The following UGT1A7 variants were observed in gnomAD, a reference collection of about 807,000 sequenced individuals.
UGT1A7 encodes the protein UDP-glucuronosyltransferase 1A7.
UGT1A7 carries 33 observed loss-of-function variants against 45.6 expected under a neutral mutation model. That is an observed-to-expected ratio of 0.72 (90% CI 0.55 to 0.97). The LOEUF (loss-of-function observed/expected upper bound fraction) is 0.97. Ranked by LOEUF, UGT1A7 falls within the 50% of genes least tolerant of loss-of-function variation. The pLI is 0.00. For missense variants in UGT1A7, 684 were observed against 666.2 expected (o/e 1.03, Z -0.29); for synonymous variants, 274 against 250.6 (o/e 1.09, Z -0.88).
chr2:233,724,456 G>C (rs1266099425), intron 1 of UGT1A7, among the ~76,000 whole-genome samples: 1 of 126,638 alleles, frequency 7.9e-6, no homozygotes, highest in African/African-American at 3.1e-5. Flanking sequence ...GGCAGCTGCC[G>C]GGCGGAGGGG....
intron 1 of UGT1A7, chr2:233,718,915 T>C (rs979373640): frequency 6.2e-7 from 1 of 1,613,984 alleles, no homozygotes; most frequent in African/African-American, 1.3e-5. Context: ...GGAAAGGTGT[T>C]GGTGGTGCCC....
intron 1 of UGT1A7, chr2:233,729,480 C>T (rs2077866631): frequency 1.9e-6 from 3 of 1,614,046 alleles, no homozygotes; most frequent in South Asian, 1.1e-5. Context: ...CAATGTTGAA[C>T]AATATGTCTT....
intron 1 of UGT1A7, among the ~76,000 whole-genome samples, chr2:233,737,934 C>T (rs1461776263): frequency 1.3e-5 from 2 of 152,038 alleles, no homozygotes; most frequent in East Asian, 3.9e-4. Flanking sequence ...AGTAGTGAGT[C>T]CATTGACTGT....
chr2:233,729,448 A>G (rs1363906847), intron 1 of UGT1A7: 1 of 1,614,064 alleles, frequency 6.2e-7, no homozygotes, highest in South Asian at 1.1e-5. Flanking sequence ...ACATTTTCTG[A>G]AGAAATTTTT....
chr2:233,767,305 G>GT (rs1444114295), intron 2 of UGT1A7, 140 bp downstream of exon 2: 37 of 1,518,952 alleles, frequency 2.4e-5, no homozygotes, highest in Admixed American at 1.8e-4. Flanking sequence ...TAATCCAAAG[G>GT]TTTTTTTTGT....
chr2:233,700,898 G>C (rs534436227), intron 1 of UGT1A7, among the ~76,000 whole-genome samples: 31 of 151,956 alleles, frequency 2.0e-4, no homozygotes, highest in Middle Eastern at 3.4e-3. Context: ...ACAGTCCCCG[G>C]TGTGTGACGT....
chr2:233,692,889 G>C (rs539010798), intron 1 of UGT1A7: 13 of 1,521,482 alleles, frequency 8.5e-6, no homozygotes, highest in African/African-American at 8.3e-5. Flanking sequence ...CAGAGCAAGG[G>C]AGAGGTAGAC....
intron 1 of UGT1A7, among the ~76,000 whole-genome samples, chr2:233,701,487 A>G (rs1350791546): frequency 2.0e-5 from 3 of 152,174 alleles, no homozygotes; most frequent in African/African-American, 7.2e-5. Context: ...CTCTGCACCA[A>G]GCGGACCTAA....
chr2:233,743,979 A>T (rs1692622611), intron 1 of UGT1A7: 1 of 1,306,002 alleles, frequency 7.7e-7, no homozygotes, highest in Non-Finnish European at 1.0e-6. Flanking sequence ...GCCAGCACCC[A>T]GGCGCAGGCC....
intron 1 of UGT1A7, among the ~76,000 whole-genome samples, chr2:233,731,827 A>G (rs1471240623): frequency 6.6e-6 from 1 of 152,154 alleles, no homozygotes; most frequent in Admixed American, 6.5e-5. Flanking sequence ...GTCAAATGGT[A>G]TTTCTAGTTC....
Position 233,693,665 on chromosome 2 carries a change from C to A in UGT1A7, c.855+10873C>A, listed in dbSNP as rs199739194. The A allele has an allele frequency of 2.7e-5, 44 of 1,614,120 alleles. No individual in the cohort carries two copies. The highest frequency in any genetic ancestry group is 3.4e-5 in the Non-Finnish European group (40 of 1,180,056). On this transcript the variant is annotated intron_variant, in intron 1 of 4. Transcript: ENST00000373426. ...CCTTGTTAATTTGTTGGAGCCCTAT[C>A]TATTTTATTGTCTGTTTTCAAAGTA...
chr2:233,693,232 AATCT>A, intron 1 of UGT1A7: 1 of 1,614,188 alleles, frequency 6.2e-7, no homozygotes, highest in Non-Finnish European at 8.5e-7. Flanking sequence ...ACACAAGAAA[AATCT>A]ATCCAGTGCC....
intron 1 of UGT1A7, among the ~76,000 whole-genome samples, chr2:233,727,747 T>C (rs1157113585): frequency 2.0e-5 from 3 of 152,214 alleles, no homozygotes; most frequent in African/African-American, 7.2e-5. Flanking sequence ...ATCCTGCGTG[T>C]GCTGCCCTTG....
At chr2:233,718,068 T>A in intron 1 of UGT1A7, 1 of 348,348 alleles carries the variant, frequency 2.9e-6, no homozygotes, top group Admixed American at 3.7e-5. Flanking sequence ...CGTGGGTCCT[T>A]GCTAGGGTTG....
rs527779009 is a variant in UGT1A7 at position 233,754,984 on chromosome 2, G to T, written c.856-12050G>T. The T allele has an allele frequency of 3.9e-6, 5 of 1,295,396 alleles. No individual in the cohort carries two copies. In the African/African-American group the frequency reaches 6.0e-5, roughly 16 times the overall value. 80.2% of individuals were successfully genotyped at this position (1,295,396 alleles called of 1,614,324 possible). A position where few individuals can be genotyped will look rare whatever the true frequency, so the allele number is the denominator to read the frequency against. The stretch of plus-strand genomic sequence containing the variant: ...AAGAACTCCCTGAAGACCTCGGCGG[G>T]GTCACGGAAGCTGAAGACCTACTCG... On this transcript the variant is annotated intron_variant, in intron 1 of 4. Transcript: ENST00000373426.
At chr2:233,764,847 C>G (rs1361860386) in intron 1 of UGT1A7, among the ~76,000 whole-genome samples, 2 of 147,962 alleles carry the variant, frequency 1.4e-5, no homozygotes, top group Non-Finnish European at 3.0e-5. Flanking sequence ...ATGACTCTGT[C>G]CTCCCTGACT....
chr2:233,751,264 C>CT (rs1248433988), intron 1 of UGT1A7, among the ~76,000 whole-genome samples: 2 of 151,872 alleles, frequency 1.3e-5, no homozygotes, highest in Admixed American at 1.3e-4. Context: ...CTGTAGCCCC[C>CT]TTTTTTTGGC....
At position 233,719,073 on chromosome 2, in the gene UGT1A7, A is replaced by C. The variant is rs1195063088; in HGVS notation, c.855+36281A>C. Reference sequence around the variant, plus strand: ...CCTGACAGCCTATGCTGTTCCATGGACCCAGAAGGAATTTGATCGCGTTAC... The same window carrying C: ...CCTGACAGCCTATGCTGTTCCATGGCCCCAGAAGGAATTTGATCGCGTTAC... On this transcript the variant is annotated intron_variant, in intron 1 of 4. Coordinates refer to ENST00000373426, the MANE Select transcript of UGT1A7 (RefSeq NM_019077.3). The C allele has an allele frequency of 3.7e-6, 6 of 1,614,126 alleles. No homozygotes were observed. The African/African-American group carries it at 8.0e-5, about 22-fold the overall frequency.
chr2:233,740,827 A>T lies in UGT1A7; in HGVS notation c.856-26207A>T, dbSNP rs887567904. On this transcript the variant is annotated intron_variant, in intron 1 of 4. Transcript: ENST00000373426. ...AGCACTGTTCTGTTTTTGAGCTGAGACATTTTAAAAGGAGATTTTTCAATT... is the reference window on the plus strand; with the variant it reads ...AGCACTGTTCTGTTTTTGAGCTGAGTCATTTTAAAAGGAGATTTTTCAATT... The T allele has an allele frequency of 9.9e-5, 15 of 151,890 alleles. 1 individual carries two copies. Among genetic ancestry groups the T allele is most frequent in the African/African-American group, 3.6e-4 (15 of 41,128 alleles). 9.4% of individuals were successfully genotyped at this position (151,890 alleles called of 1,614,324 possible).
Sources: gnomAD v4.1 joint callset for allele counts (sites outside exome capture counted in the v4.1 genomes callset) on GRCh38, gnomAD v4.1.1 for gene constraint, MANE v1.5 for transcripts, NCBI Gene and HGNC (gene_info 2026-07-23, HGNC 2026-07-21) for gene names.